The following CLASP1 variants were observed in gnomAD, a reference collection of about 807,000 sequenced individuals.
CLASP1 encodes the protein CLIP-associating protein 1.
In CLASP1, 38 loss-of-function variants were observed where a neutral mutation model predicts 192.3. The ratio of observed to expected loss-of-function variants is 0.20; its 90% CI spans 0.15 to 0.26. The LOEUF (loss-of-function observed/expected upper bound fraction) is 0.26, where lower values mean the gene tolerates loss of function less well. CLASP1 is among the 10% of genes least tolerant of loss of function. The pLI is 1.00. For missense variants in CLASP1, 1,433 were observed against 1,932.5 expected (o/e 0.74, Z 4.85); for synonymous variants, 691 against 712.8 (o/e 0.97, Z 0.49).
In CLASP1 at chr2:121,570,082, A is replaced by G. The variant is rs754092783; in HGVS notation, c.195+35619T>C. Among the ~76,000 whole-genome samples the G allele has an allele frequency of 2.0e-5, 3 of 152,206 alleles. No homozygotes were observed. In the South Asian group the frequency reaches 6.2e-4, roughly 32 times the overall value. On this transcript the variant is annotated intron_variant, in intron 2 of 39. Coordinates refer to ENST00000263710, the Ensembl canonical transcript of CLASP1. The stretch of plus-strand genomic sequence containing the variant: ...TTTCTGTGTTAAGGATAAAAGTTAA[A>G]AAAGGGGGGCATCCAAGTGTCTAAA...
At chr2:121,533,708 G>A (rs2094960727) in intron 2 of CLASP1, among the ~76,000 whole-genome samples, 1 of 152,136 alleles carries the variant, frequency 6.6e-6, no homozygotes, top group African/African-American at 2.4e-5. Context: ...AACTCTGCGT[G>A]ACCCTTGACT....
chr2:121,347,140 G>A (rs775424509), exon 39 of CLASP1: 13 of 1,574,320 alleles, frequency 8.3e-6, no homozygotes, highest in Admixed American at 7.4e-5. Flanking sequence ...CACTACTTTC[G>A]GTGTTGTCAT....
Position 121,531,066 on chromosome 2 carries a change from A to G in CLASP1, c.196-741T>C, listed in dbSNP as rs532539921. The G allele has an allele frequency of 8.4e-5, 58 of 692,760 alleles. No individual in the cohort carries two copies. In the African/African-American group the frequency reaches 8.4e-4, roughly 10 times the overall value. 42.9% of individuals were successfully genotyped at this position (692,760 alleles called of 1,614,324 possible). A position where few individuals can be genotyped will look rare whatever the true frequency, so the allele number is the denominator to read the frequency against. ...AACAGCAGTAATTCGTAAATAAACT[A>G]GTACTTTGTGGTTAAACCAGTAGAG... On this transcript the variant is annotated intron_variant, in intron 2 of 39. Coordinates refer to ENST00000263710, the Ensembl canonical transcript of CLASP1.
At chr2:121,548,245 A>G (rs1156319627) in intron 2 of CLASP1, among the ~76,000 whole-genome samples, 1 of 152,252 alleles carries the variant, frequency 6.6e-6, no homozygotes, top group Non-Finnish European at 1.5e-5. Flanking sequence ...AGAGCTGAAT[A>G]ACACAATACA....
intron 19 of CLASP1, chr2:121,445,312 CAGAGAGG>C: frequency 2.4e-6 from 1 of 411,540 alleles, no homozygotes; most frequent in Admixed American, 3.3e-5. Flanking sequence ...CAGAACAGGG[CAGAGAGG>C]AGGAACTAGA....
Position 121,370,280 on chromosome 2 carries a change from G to C in CLASP1, c.3643-2449C>G, listed in dbSNP as rs369293787. ...AATGTTTTAACTAAACATATGGTAA[G>C]TGGTGGCTAAGATGGTGAATTGTGA... is the stretch of plus-strand genomic sequence containing the variant. On this transcript the variant is annotated intron_variant, in intron 34 of 39. Coordinates refer to ENST00000263710, the Ensembl canonical transcript of CLASP1. Among the ~76,000 whole-genome samples the C allele has an allele frequency of 6.6e-5, 10 of 152,316 alleles. No homozygotes were observed. The East Asian group carries it at 1.9e-3, about 29-fold the overall frequency.
chr2:121,602,227 C>A (rs1464430963), intron 2 of CLASP1, among the ~76,000 whole-genome samples: 1 of 150,106 alleles, frequency 6.7e-6, no homozygotes, highest in African/African-American at 2.4e-5. Context: ...TGACAGCTAC[C>A]AAAAATAAAA....
At chr2:121,413,478 T>C (rs2078061866) in intron 23 of CLASP1, among the ~76,000 whole-genome samples, 1 of 152,178 alleles carries the variant, frequency 6.6e-6, no homozygotes, top group African/African-American at 2.4e-5. Flanking sequence ...AATTGATGTA[T>C]TACTGTATGC....
intron 8 of CLASP1, among the ~76,000 whole-genome samples, chr2:121,499,810 T>TG (rs1175192863): frequency 6.7e-6 from 1 of 149,806 alleles, no homozygotes; most frequent in African/African-American, 2.5e-5. Flanking sequence ...ATTCCTGCTC[T>TG]GGGAAAAAAA....
At chr2:121,437,279 A>T (rs1387976919) in intron 19 of CLASP1, among the ~76,000 whole-genome samples, 1 of 152,136 alleles carries the variant, frequency 6.6e-6, no homozygotes, top group Non-Finnish European at 1.5e-5. Flanking sequence ...TGATTTTAAT[A>T]ATGTACTACA....
intron 13 of CLASP1, among the ~76,000 whole-genome samples, chr2:121,458,293 G>C (rs111305941): frequency 0.012 from 1,777 of 152,294 alleles, 31 homozygotes; most frequent in Non-Finnish European, 0.017. Context: ...AGGTAATGTG[G>C]AAAACCATTT....
chr2:121,488,919 GA>G (rs1369790445), intron 8 of CLASP1, among the ~76,000 whole-genome samples: 1 of 152,140 alleles, frequency 6.6e-6, no homozygotes, highest in Non-Finnish European at 1.5e-5. Context: ...CAGGCAATTT[GA>G]AAAAATATAT....
intron 2 of CLASP1, among the ~76,000 whole-genome samples, chr2:121,599,658 G>A (rs2063569770): frequency 6.7e-6 from 1 of 148,898 alleles, no homozygotes; most frequent in Non-Finnish European, 1.5e-5. Context: ...GCTCACGCCT[G>A]TAATCCCAGC....
chr2:121,440,109 A>AAC (rs2083056389), intron 19 of CLASP1, among the ~76,000 whole-genome samples: 1 of 151,752 alleles, frequency 6.6e-6, no homozygotes, highest in African/African-American at 2.4e-5. Flanking sequence ...AAAAAAAAAA[A>AAC]AAAACTAAGC....
chr2:121,430,563 A>C (rs1390926578), intron 19 of CLASP1, among the ~76,000 whole-genome samples: 1 of 152,242 alleles, frequency 6.6e-6, no homozygotes, highest in African/African-American at 2.4e-5. Flanking sequence ...CAAATTTCCA[A>C]AAACAGAAAA....
chr2:121,491,665 T>C (rs2093313829), intron 8 of CLASP1, among the ~76,000 whole-genome samples: 1 of 152,236 alleles, frequency 6.6e-6, no homozygotes. Context: ...AAGAAACATC[T>C]ATATAGCAAC....
intron 29 of CLASP1, among the ~76,000 whole-genome samples, chr2:121,397,611 C>T (rs1401158569): frequency 6.6e-6 from 1 of 152,178 alleles, no homozygotes; most frequent in African/African-American, 2.4e-5. Context: ...CCAGCTCTGC[C>T]ACTGACTGCA....
At chr2:121,526,066 T>C (rs1466691228) in intron 5 of CLASP1, 146 bp from the exon 6 acceptor site, 3 of 641,676 alleles carry the variant, frequency 4.7e-6, no homozygotes, top group Non-Finnish European at 8.3e-6. Flanking sequence ...CCACACTGGC[T>C]CCAAAGTAAA....
chr2:121,562,334 T>TG (rs1284991495), intron 2 of CLASP1, among the ~76,000 whole-genome samples: 1 of 152,222 alleles, frequency 6.6e-6, no homozygotes, highest in Non-Finnish European at 1.5e-5. Context: ...TCAGAGGACT[T>TG]GGGGAACTGA....
Sources: allele counts gnomAD v4.1 joint callset (sites outside exome capture counted in the v4.1 genomes callset), GRCh38; gene constraint gnomAD v4.1.1; transcripts MANE v1.5; gene names NCBI Gene and HGNC (gene_info 2026-07-23, HGNC 2026-07-21).